Variants in PTPN4 observed in about 807,000 individuals in gnomAD.
PTPN4 encodes protein tyrosine phosphatase non-receptor type 4.
Under a neutral mutation model 135.5 loss-of-function variants are expected in PTPN4, and 49 were observed. That is an observed-to-expected ratio of 0.36 (90% CI 0.29 to 0.46). PTPN4 has a LOEUF of 0.46. PTPN4 is among the 20% of genes least tolerant of loss of function. PTPN4 has a pLI of 1.00. For missense variants in PTPN4, 860 were observed against 1,101.0 expected (o/e 0.78, Z 3.10); for synonymous variants, 333 against 369.9 (o/e 0.90, Z 1.14).
intron 3 of PTPN4, among the ~76,000 whole-genome samples, chr2:119,865,817 C>T (rs781138499): frequency 2.0e-5 from 3 of 151,952 alleles, no homozygotes; most frequent in Non-Finnish European, 2.9e-5. Flanking sequence ...GAACTGTTGC[C>T]TTAGACATTG....
chr2:119,911,253 A>T (rs912698466), intron 10 of PTPN4, among the ~76,000 whole-genome samples: 5 of 152,142 alleles, frequency 3.3e-5, no homozygotes, highest in Non-Finnish European at 7.4e-5. Context: ...AATACCTAAT[A>T]AAAGTTTAGC....
intron 21 of PTPN4, 31 bp downstream of exon 21, chr2:119,956,965 A>G (rs1203690343): frequency 1.9e-6 from 3 of 1,602,732 alleles, no homozygotes; most frequent in African/African-American, 2.7e-5. Flanking sequence ...GTTAAATTTA[A>G]TCTTTTAAAC....
intron 2 of PTPN4, among the ~76,000 whole-genome samples, chr2:119,825,639 A>G (rs1209958144): frequency 2.0e-5 from 3 of 151,620 alleles, no homozygotes; most frequent in Non-Finnish European, 4.4e-5. Flanking sequence ...AGGATTACAG[A>G]TGCCTGCCAC....
chr2:119,940,501 G>A (rs1679045365), intron 15 of PTPN4, among the ~76,000 whole-genome samples: 1 of 152,046 alleles, frequency 6.6e-6, no homozygotes, highest in Non-Finnish European at 1.5e-5. Context: ...TGTCTCCCAG[G>A]CTGGGGCATA....
At chr2:119,804,227 C>T (rs1222481263) in intron 1 of PTPN4, among the ~76,000 whole-genome samples, 1 of 152,128 alleles carries the variant, frequency 6.6e-6, no homozygotes, top group African/African-American at 2.4e-5. Context: ...ATCCTCCTAC[C>T]TCAGCCTCCT....
intron 1 of PTPN4, chr2:119,771,453 A>G (rs1005127783): frequency 5.3e-5 from 8 of 152,104 alleles, no homozygotes; most frequent in African/African-American, 1.9e-4. Context: ...CCTATTTTTA[A>G]ATTCCTGTAC....
chr2:119,919,551 C>T (rs1005861378), intron 11 of PTPN4, among the ~76,000 whole-genome samples: 4 of 152,044 alleles, frequency 2.6e-5, no homozygotes, highest in African/African-American at 4.8e-5. Flanking sequence ...AAGGCCAGCA[C>T]GGGGGCTCAT....
chr2:119,925,169 C>G (rs1273781197), intron 12 of PTPN4, among the ~76,000 whole-genome samples: 3 of 152,194 alleles, frequency 2.0e-5, no homozygotes, highest in Non-Finnish European at 4.4e-5. Context: ...CTCTTTCTCA[C>G]TATACCCTAT....
intron 1 of PTPN4, among the ~76,000 whole-genome samples, chr2:119,793,846 G>GTTTTT (rs55956611): frequency 6.0e-4 from 15 of 24,796 alleles, no homozygotes; most frequent in South Asian, 4.2e-3. Flanking sequence ...TTCATTTTTA[G>GTTTTT]TTTTTTTTTT....
intron 19 of PTPN4, among the ~76,000 whole-genome samples, chr2:119,953,859 T>C (rs139062217): frequency 6.6e-6 from 1 of 152,238 alleles, no homozygotes; most frequent in African/African-American, 2.4e-5. Context: ...CAAAAATCCA[T>C]ATGATGGCAA....
In PTPN4 at chr2:119,963,874, T is replaced by G. The variant is rs144698028; in HGVS notation, c.2409+1130T>G. On this transcript the variant is annotated intron_variant, in intron 24 of 26. Coordinates refer to ENST00000263708, the MANE Select transcript of PTPN4 (RefSeq NM_002830.4). ...TGTCTATCTTTAGCATAGTCTCTAT[T>G]ATACTCCACCTGTAGATTATCCATG... 5.3e-4 allele frequency among the ~76,000 whole-genome samples: 81 copies of G among 152,322 alleles called. 1 individual carries two copies. The highest frequency in any genetic ancestry group is 1.8e-3 in the African/African-American group (76 of 41,574).
At chr2:119,800,949 T>A (rs1039803231) in intron 1 of PTPN4, among the ~76,000 whole-genome samples, 15 of 152,204 alleles carry the variant, frequency 9.9e-5, no homozygotes, top group African/African-American at 3.4e-4. Context: ...TCTTGATAAA[T>A]GTAGGTACAT....
chr2:119,779,357 C>T (rs1690895775), intron 1 of PTPN4, among the ~76,000 whole-genome samples: 1 of 152,190 alleles, frequency 6.6e-6, no homozygotes, highest in South Asian at 2.1e-4. Flanking sequence ...GTGGCTCACG[C>T]CTGTAATCCC....
intron 1 of PTPN4, among the ~76,000 whole-genome samples, chr2:119,795,333 C>T (rs1424497668): frequency 6.6e-6 from 1 of 152,234 alleles, no homozygotes; most frequent in Non-Finnish European, 1.5e-5. Flanking sequence ...TGGCCTCTTC[C>T]ACCCAGGAGC....
Position 119,954,291 on chromosome 2 carries a change from T to A in PTPN4, c.1814-866T>A, listed in dbSNP as rs1574419452. Among the ~76,000 whole-genome samples the A allele has an allele frequency of 2.0e-5, 3 of 152,336 alleles. No individual in the cohort carries two copies. The East Asian group carries it at 5.8e-4, about 29-fold the overall frequency. On this transcript the variant is annotated intron_variant, in intron 19 of 26. Transcript: ENST00000263708. ...TTTAGAAGGCCCTGCTTTGGCTCTC[T>A]TTCTTCTCCCAGTGGAGTCATAATT...
At chr2:119,949,183 A>G (rs912625739) in intron 18 of PTPN4, among the ~76,000 whole-genome samples, 6 of 152,174 alleles carry the variant, frequency 3.9e-5, no homozygotes, top group Non-Finnish European at 7.4e-5. Context: ...CCCTTCTGCC[A>G]TGTAGAACTA....
chr2:119,950,635 T>TA (rs1679199563), intron 18 of PTPN4, among the ~76,000 whole-genome samples: 2 of 152,340 alleles, frequency 1.3e-5, no homozygotes, highest in Admixed American at 1.3e-4. Flanking sequence ...TTCATGCCTT[T>TA]ACCACAAGCA....
intron 14 of PTPN4, 71 bp from the exon 15 acceptor site, chr2:119,934,729 C>T: frequency 6.8e-7 from 1 of 1,464,542 alleles, no homozygotes; most frequent in Admixed American, 1.9e-5. Context: ...CTGATGTAAC[C>T]ATATATTAAG....
At chr2:119,858,912 G>A (rs1055911709) in intron 2 of PTPN4, among the ~76,000 whole-genome samples, 1 of 152,058 alleles carries the variant, frequency 6.6e-6, no homozygotes, top group Non-Finnish European at 1.5e-5. Flanking sequence ...GGGATTACAG[G>A]TGTGAGCCAC....
Sources: allele counts gnomAD v4.1 joint callset (sites outside exome capture counted in the v4.1 genomes callset), GRCh38; gene constraint gnomAD v4.1.1; transcripts MANE v1.5; gene names NCBI Gene and HGNC (gene_info 2026-07-23, HGNC 2026-07-21).